Variants in SDK1 observed in about 807,000 individuals in gnomAD.
SDK1 encodes the protein protein sidekick-1.
SDK1 carries 157 observed loss-of-function variants against 245.5 expected under a neutral mutation model. That is an observed-to-expected ratio of 0.64 (90% CI 0.56 to 0.73). SDK1 has a LOEUF of 0.73. SDK1 is among the 30% of genes least tolerant of loss of function. SDK1 has a pLI of 0.00. For synonymous variants in SDK1, 1,647 were observed against 1,278.5 expected (o/e 1.29, Z -6.15); for missense variants, 3,583 against 3,002.3 (o/e 1.19, Z -4.52).
intron 1 of SDK1, among the ~76,000 whole-genome samples, chr7:3,492,322 GTC>G (rs1562519951): frequency 6.6e-6 from 1 of 152,050 alleles, no homozygotes; most frequent in Non-Finnish European, 1.5e-5. Context: ...GTGAAACCCC[GTC>G]TCTACTAAAA....
chr7:4,253,456 AT>A, intron 44 of SDK1, among the ~76,000 whole-genome samples: 1 of 151,998 alleles, frequency 6.6e-6, no homozygotes, highest in Admixed American at 6.5e-5. Flanking sequence ...TTCTTCTGTT[AT>A]TTATTTCTAA....
chr7:4,162,791 A>G (rs1460272771), intron 32 of SDK1, among the ~76,000 whole-genome samples: 1 of 152,214 alleles, frequency 6.6e-6, no homozygotes, highest in East Asian at 1.9e-4. Context: ...CCTGCTCAGC[A>G]ATGCTCCAGT....
At chr7:3,415,935 C>G (rs1408975491) in intron 1 of SDK1, among the ~76,000 whole-genome samples, 4 of 152,100 alleles carry the variant, frequency 2.6e-5, no homozygotes, top group Non-Finnish European at 4.4e-5. Context: ...TGCTCATTGT[C>G]TCTGCTCCCT....
chr7:3,883,704 C>A lies in SDK1; in HGVS notation c.847+62121C>A, dbSNP rs988461358. Among the ~76,000 whole-genome samples the A allele has an allele frequency of 1.1e-4, 16 of 142,092 alleles. No individual in the cohort carries two copies. In the East Asian group the frequency reaches 3.9e-3, roughly 35 times the overall value. 93.2% of individuals were successfully genotyped at this position (142,092 alleles called of 152,430 possible). On this transcript the variant is annotated intron_variant, in intron 5 of 44. Transcript: ENST00000404826. ...GACCTCGCTCCCTCGCTCCCTCCCT[C>A]CCTCCCTCCCTCCCATTGTCTAGCA...
chr7:4,246,720 C>T (rs1039174585), intron 44 of SDK1, among the ~76,000 whole-genome samples: 3 of 152,102 alleles, frequency 2.0e-5, no homozygotes, highest in Admixed American at 2.0e-4. Context: ...GTGTTCCTCT[C>T]CTCACCAAGC....
At chr7:4,156,294 A>C (rs763842410) in intron 30 of SDK1, among the ~76,000 whole-genome samples, 7 of 152,158 alleles carry the variant, frequency 4.6e-5, no homozygotes, top group Non-Finnish European at 7.4e-5. Flanking sequence ...CAGATGAGGC[A>C]AAGTAACTCC....
At chr7:3,546,894 A>G (rs377341723) in intron 1 of SDK1, among the ~76,000 whole-genome samples, 3 of 152,334 alleles carry the variant, frequency 2.0e-5, no homozygotes, top group South Asian at 2.1e-4. Context: ...AAAAGTCATC[A>G]TCTCAACAAG....
At chr7:3,339,174 A>AAAAT (rs1251375116) in intron 1 of SDK1, among the ~76,000 whole-genome samples, 10 of 111,852 alleles carry the variant, frequency 8.9e-5, no homozygotes, top group African/African-American at 3.3e-4. Flanking sequence ...AAATAATTTC[A>AAAAT]GAATAAATTA....
At chr7:3,961,895 G>T (rs1031399669) in intron 8 of SDK1, among the ~76,000 whole-genome samples, 14 of 151,646 alleles carry the variant, frequency 9.2e-5, no homozygotes, top group Non-Finnish European at 1.9e-4. Flanking sequence ...ACACATATAT[G>T]CAGGTGCACA....
intron 35 of SDK1, among the ~76,000 whole-genome samples, chr7:4,182,363 A>G (rs920092705): frequency 2.0e-5 from 3 of 152,072 alleles, no homozygotes; most frequent in Admixed American, 1.3e-4. Context: ...GCTCCTCCCC[A>G]TTAGACCAAG....
At chr7:3,925,618 T>A (rs914845163) in intron 5 of SDK1, among the ~76,000 whole-genome samples, 2 of 152,184 alleles carry the variant, frequency 1.3e-5, no homozygotes, top group African/African-American at 4.8e-5. Context: ...GAGGGCAGCC[T>A]TGGGGCACCC....
At chr7:3,930,853 G>C (rs934663031) in intron 5 of SDK1, among the ~76,000 whole-genome samples, 1 of 152,056 alleles carries the variant, frequency 6.6e-6, no homozygotes, top group Non-Finnish European at 1.5e-5. Flanking sequence ...AGTTGTACTA[G>C]GTTTGGAACA....
At chr7:3,671,155 A>G (rs1188328948) in intron 4 of SDK1, among the ~76,000 whole-genome samples, 2 of 152,134 alleles carry the variant, frequency 1.3e-5, no homozygotes, top group African/African-American at 4.8e-5. Flanking sequence ...TACTCAGTAT[A>G]TTTAGAGGAG....
intron 13 of SDK1, among the ~76,000 whole-genome samples, chr7:3,982,570 G>T (rs1305988590): frequency 6.6e-6 from 1 of 152,184 alleles, no homozygotes; most frequent in Non-Finnish European, 1.5e-5. Context: ...GCTGGGCGCG[G>T]TGGCTCACGC....
intron 29 of SDK1, among the ~76,000 whole-genome samples, chr7:4,146,336 A>G (rs941370119): frequency 4.1e-5 from 6 of 147,850 alleles, no homozygotes; most frequent in Admixed American, 2.7e-4. Context: ...CTGCTCTCTC[A>G]GACATGTGAG....
At chr7:3,747,157 A>G (rs1416567676) in intron 4 of SDK1, among the ~76,000 whole-genome samples, 1 of 152,234 alleles carries the variant, frequency 6.6e-6, no homozygotes, top group African/African-American at 2.4e-5. Context: ...AGAAAAATCC[A>G]GGCATGATAA....
At chr7:3,475,151 C>G (rs1464670268) in intron 1 of SDK1, among the ~76,000 whole-genome samples, 1 of 152,190 alleles carries the variant, frequency 6.6e-6, no homozygotes, top group Non-Finnish European at 1.5e-5. Context: ...CATTCTCTCC[C>G]TTATGTAGAA....
intron 5 of SDK1, among the ~76,000 whole-genome samples, chr7:3,939,137 A>T (rs927623235): frequency 6.6e-6 from 1 of 152,176 alleles, no homozygotes; most frequent in Admixed American, 6.5e-5. Flanking sequence ...AACGAGAAGA[A>T]CCTAGTCAGC....
intron 22 of SDK1, among the ~76,000 whole-genome samples, chr7:4,087,479 G>GCGCGCACACA (rs1554336240): frequency 3.6e-4 from 54 of 150,252 alleles, no homozygotes; most frequent in African/African-American, 1.1e-3. Context: ...ACACACGCGC[G>GCGCGCACACA]CACACACACA....
Sources: gnomAD v4.1 joint callset for allele counts (sites outside exome capture counted in the v4.1 genomes callset) on GRCh38, gnomAD v4.1.1 for gene constraint, MANE v1.5 for transcripts, NCBI Gene and HGNC (gene_info 2026-07-23, HGNC 2026-07-21) for gene names.